The following DENND3 variants were observed in gnomAD, a reference collection of about 807,000 sequenced individuals.
DENND3 encodes DENN domain containing 3.
In DENND3, 88 loss-of-function variants were observed where a neutral mutation model predicts 135.1. The ratio of observed to expected loss-of-function variants is 0.65; its 90% CI spans 0.55 to 0.78. The LOEUF is 0.78. Among genes scored for constraint, DENND3 ranks in the 30% least tolerant of loss-of-function variants. The pLI is 0.00. For missense variants in DENND3, 1,392 were observed against 1,688.4 expected (o/e 0.82, Z 3.08); for synonymous variants, 693 against 712.3 (o/e 0.97, Z 0.43).
chr8:141,145,086 C>G (rs1251770620), intron 5 of DENND3, among the ~76,000 whole-genome samples: 1 of 152,226 alleles, frequency 6.6e-6, no homozygotes, highest in Non-Finnish European at 1.5e-5. Flanking sequence ...GAGAGATGAA[C>G]TGAGAGCCTG....
rs307771 is a variant in DENND3, at chr8:141,136,695, A to G, written c.289A>G (p.Lys97Glu). The G allele has an allele frequency of 5.6e-3, 9,080 of 1,612,998 alleles. 471 individuals are homozygous for G. The African/African-American group carries it at 0.11, about 19-fold the overall frequency. ...AGAGAAGCCCAGACCAGAGCAGTGGAAGGGCCTCCCGGGGCCCCCCAGAGC... is the reference window on the plus strand; with the variant it reads ...AGAGAAGCCCAGACCAGAGCAGTGGGAGGGCCTCCCGGGGCCCCCCAGAGC... ...KREKPRPEQW[K>E]GLPGPPRAPE... The change falls in exon 2 of 23, where the codon AAG (lysine) becomes GAG (glutamate). Residue 97 changes from lysine (K) to glutamate (E), a missense_variant. Lys to Glu is a moderately conservative substitution (Grantham distance 56, BLOSUM62 1). Coordinates refer to ENST00000519811, the MANE Select transcript of DENND3 (RefSeq NM_001352890.3).
chr8:141,190,541 G>A (rs551605987), intron 20 of DENND3, 124 bp downstream of exon 20: 852 of 1,370,178 alleles, frequency 6.2e-4, no homozygotes, highest in Non-Finnish European at 7.6e-4. Context: ...TTTTAAACTC[G>A]GGTTCCCTTT....
chr8:141,133,587 A>C (rs1223430011), intron 1 of DENND3, among the ~76,000 whole-genome samples: 1 of 152,032 alleles, frequency 6.6e-6, no homozygotes, highest in Non-Finnish European at 1.5e-5. Flanking sequence ...GTTACTTGCT[A>C]CCTGCCTGGA....
intron 22 of DENND3, chr8:141,192,895 A>G (rs1824959734): frequency 6.7e-7 from 1 of 1,484,394 alleles, no homozygotes. Flanking sequence ...CCCAAACTGG[A>G]TGGCTTCAAA....
At chr8:141,135,796 A>C (rs1816726387) in intron 1 of DENND3, among the ~76,000 whole-genome samples, 1 of 152,246 alleles carries the variant, frequency 6.6e-6, no homozygotes, top group Non-Finnish European at 1.5e-5. Flanking sequence ...AATTATGCCA[A>C]GTTAAAGTTG....
chr8:141,178,987 T>C (rs1026752292), intron 16 of DENND3, among the ~76,000 whole-genome samples: 1 of 152,258 alleles, frequency 6.6e-6, no homozygotes, highest in African/African-American at 2.4e-5. Flanking sequence ...TAAGCTCTGG[T>C]GTGCACATCT....
chr8:141,188,171 G>A (rs12547067), intron 18 of DENND3, among the ~76,000 whole-genome samples: 29,568 of 152,118 alleles, frequency 0.19, 2,883 homozygotes, highest in Admixed American at 0.23. Context: ...GCTGCAGTGA[G>A]CCATGATCAT....
intron 13 of DENND3, among the ~76,000 whole-genome samples, chr8:141,172,760 C>T (rs1821790619): frequency 6.6e-6 from 1 of 152,290 alleles, no homozygotes; most frequent in South Asian, 2.1e-4. Context: ...CTGCCTTAAA[C>T]CCAGAGTCTG....
At chr8:141,180,882 G>A in intron 17 of DENND3, 28 bp downstream of exon 17, 1 of 1,585,882 alleles carries the variant, frequency 6.3e-7, no homozygotes. Context: ...GCGCCTCGCT[G>A]CCAGTTTTCA....
At chr8:141,165,119 AG>A in intron 10 of DENND3, 66 bp from the exon 11 acceptor site, 2 of 1,243,548 alleles carry the variant, frequency 1.6e-6, no homozygotes, top group Non-Finnish European at 2.4e-6. Flanking sequence ...AGGAAGGCTC[AG>A]GGGCTTTGGA....
chr8:141,171,297 T>C (rs1288389646), intron 13 of DENND3, among the ~76,000 whole-genome samples: 1 of 152,190 alleles, frequency 6.6e-6, no homozygotes, highest in Admixed American at 6.5e-5. Flanking sequence ...TATTGAAAAA[T>C]ATATTGCAAT....
At chr8:141,157,360 G>T in intron 8 of DENND3, 1 of 985,376 alleles carries the variant, frequency 1.0e-6, no homozygotes, top group Non-Finnish European at 1.2e-6. Context: ...GGCTCCCTCG[G>T]GGTTGCTCTG....
intron 18 of DENND3, chr8:141,188,755 C>T (rs1441777794): frequency 1.9e-6 from 1 of 524,064 alleles, no homozygotes; most frequent in Non-Finnish European, 3.3e-6. Context: ...ATGAATCAAT[C>T]ATACGTAGTC....
At position 141,139,927 on chromosome 8, in the gene DENND3, T is replaced by C. The variant is rs1191918300; in HGVS notation, c.502-1276T>C. On this transcript the variant is annotated intron_variant, in intron 3 of 22. Transcript: ENST00000519811. This position sits in a 1 kb window ranked among gnomAD's most constrained non-coding sequence, Gnocchi z 4.2. ...CGTTTTTTTCTTTCTTTTTTTTTTT[T>C]GAGACAGTCTCGCTGTGTCACCCAG... Among the ~76,000 whole-genome samples, 1 of 148,324 alleles carries C rather than the reference T, an allele frequency of 6.7e-6. No individual in the cohort carries two copies. Among genetic ancestry groups the C allele is most frequent in the East Asian group, 2.0e-4 (1 of 5,106 alleles).
intron 4 of DENND3, chr8:141,142,055 G>T (rs1250344866): frequency 3.5e-6 from 1 of 286,828 alleles, no homozygotes; most frequent in African/African-American, 2.3e-5. Context: ...TTGTTTTGTA[G>T]AATCTGTAAC....
chr8:141,156,593 C>T (rs527620461), intron 8 of DENND3, among the ~76,000 whole-genome samples: 1 of 151,916 alleles, frequency 6.6e-6, no homozygotes, highest in African/African-American at 2.4e-5. Context: ...CATTCATTCA[C>T]TAGATGTGTA....
chr8:141,138,385 CT>C lies in DENND3; in HGVS notation c.501+250del, dbSNP rs934444126. On this transcript the variant is annotated intron_variant, in intron 3 of 22. Coordinates refer to ENST00000519811, the MANE Select transcript of DENND3 (RefSeq NM_001352890.3). This position sits in a 1 kb window ranked among gnomAD's most constrained non-coding sequence, Gnocchi z 4.8. ...TTCCTGCCTGGCGATGGCTAATCTG[CT>C]TGCTTTTTTTTTTTATTGAGATGGA... Among the ~76,000 whole-genome samples, 2 of 151,700 alleles carry C rather than the reference CT, an allele frequency of 1.3e-5. No homozygotes were observed. The highest frequency in any genetic ancestry group is 2.9e-5 in the Non-Finnish European group (2 of 67,958).
At chr8:141,193,879 G>A in intron 22 of DENND3, 154 bp from the exon 23 acceptor site, 2 of 793,684 alleles carry the variant, frequency 2.5e-6, no homozygotes, top group Non-Finnish European at 4.0e-6. Context: ...CTGTGCACCT[G>A]CCAGGCGGCC....
intron 18 of DENND3, 94 bp downstream of exon 18, chr8:141,185,372 C>CTA (rs1406416836): frequency 1.3e-6 from 2 of 1,516,742 alleles, no homozygotes; most frequent in Non-Finnish European, 1.8e-6. Context: ...AGGATACAAG[C>CTA]TATTCCACAG....
Sources: allele counts gnomAD v4.1 joint callset (sites outside exome capture counted in the v4.1 genomes callset), GRCh38; gene constraint gnomAD v4.1.1; non-coding constraint Gnocchi (gnomAD v3.1); transcripts MANE v1.5; gene names NCBI Gene and HGNC (gene_info 2026-07-23, HGNC 2026-07-21).